The following SCHIP1 variants were observed in gnomAD, a reference collection of about 807,000 sequenced individuals.
SCHIP1 encodes the protein schwannomin interacting protein 1, also known as schwannomin-interacting protein 1.
A neutral mutation model predicts 29.7 loss-of-function variants in SCHIP1; 8 were observed. That is an observed-to-expected ratio of 0.27 (90% CI 0.16 to 0.49). The LOEUF (loss-of-function observed/expected upper bound fraction) is 0.49. Among genes scored for constraint, SCHIP1 ranks in the 20% least tolerant of loss-of-function variants. The pLI, the probability that SCHIP1 is intolerant of heterozygous loss-of-function variation, is 0.99. For missense variants in SCHIP1, 193 were observed against 294.6 expected (o/e 0.66, Z 2.52); for synonymous variants, 76 against 94.9 (o/e 0.80, Z 1.16).
the SCHIP1 span, among the ~76,000 whole-genome samples, chr3:159,332,128 T>G: frequency 1.3e-5 from 2 of 152,348 alleles, no homozygotes; most frequent in African/African-American, 4.8e-5. Context: ...CTTCTTTGAC[T>G]ATCTCTTCAA....
chr3:159,860,697 A>G (rs1259629686), intron 1 of SCHIP1, among the ~76,000 whole-genome samples: 1 of 152,194 alleles, frequency 6.6e-6, no homozygotes, highest in East Asian at 1.9e-4. Flanking sequence ...GAAAGACAGG[A>G]AACTGGGGGA....
the SCHIP1 span, among the ~76,000 whole-genome samples, chr3:159,666,543 C>A: frequency 6.6e-6 from 1 of 152,036 alleles, no homozygotes; most frequent in Non-Finnish European, 1.5e-5. Flanking sequence ...CATAGGTTCA[C>A]ATAAATAGAA....
chr3:159,377,979 T>C, the SCHIP1 span, among the ~76,000 whole-genome samples: 5 of 152,304 alleles, frequency 3.3e-5, no homozygotes, highest in East Asian at 5.8e-4. Flanking sequence ...GGGAGCAGTG[T>C]GGAGCCAGAA....
At chr3:159,441,323 T>G in the SCHIP1 span, among the ~76,000 whole-genome samples, 1 of 152,168 alleles carries the variant, frequency 6.6e-6, no homozygotes, top group South Asian at 2.1e-4. Flanking sequence ...CAACAAACAT[T>G]TATTGAGTAC....
chr3:159,751,631 G>C, the SCHIP1 span, among the ~76,000 whole-genome samples: 1 of 150,596 alleles, frequency 6.6e-6, no homozygotes, highest in Admixed American at 6.7e-5. Context: ...TGCAAGCTCT[G>C]CCTCCCAGGT....
chr3:159,442,862 C>T, the SCHIP1 span, among the ~76,000 whole-genome samples: 15 of 152,166 alleles, frequency 9.9e-5, no homozygotes, highest in African/African-American at 2.7e-4. Context: ...ACTATAATAT[C>T]CCTTGCTTAG....
the SCHIP1 span, among the ~76,000 whole-genome samples, chr3:159,275,392 CA>C: frequency 6.6e-6 from 1 of 152,074 alleles, no homozygotes; most frequent in East Asian, 1.9e-4. Flanking sequence ...GAACTTTGAA[CA>C]AATCATTCTG....
At chr3:159,587,466 A>G in the SCHIP1 span, among the ~76,000 whole-genome samples, 10 of 151,844 alleles carry the variant, frequency 6.6e-5, no homozygotes, top group African/African-American at 1.9e-4. Flanking sequence ...ACGTGAATAC[A>G]TAACTTTTTT....
the SCHIP1 span, among the ~76,000 whole-genome samples, chr3:159,484,394 G>A: frequency 6.6e-6 from 1 of 152,144 alleles, no homozygotes; most frequent in East Asian, 1.9e-4. Flanking sequence ...CGTGTAGTTG[G>A]AACTATCATT....
At chr3:159,668,077 G>T in the SCHIP1 span, among the ~76,000 whole-genome samples, 1 of 152,204 alleles carries the variant, frequency 6.6e-6, no homozygotes, top group Non-Finnish European at 1.5e-5. Flanking sequence ...TTAGGTTAAA[G>T]AGTGAGTCCC....
chr3:159,611,307 G>A, the SCHIP1 span, among the ~76,000 whole-genome samples: 1 of 152,102 alleles, frequency 6.6e-6, no homozygotes, highest in African/African-American at 2.4e-5. Flanking sequence ...CACTCATGGT[G>A]CAGCTGATTA....
the SCHIP1 span, among the ~76,000 whole-genome samples, chr3:159,750,296 T>TACAC: frequency 1.7e-4 from 22 of 132,758 alleles, no homozygotes; most frequent in African/African-American, 5.3e-4. Context: ...TATATATATA[T>TACAC]ACACACACAC....
At chr3:159,690,146 G>A in the SCHIP1 span, among the ~76,000 whole-genome samples, 1 of 152,128 alleles carries the variant, frequency 6.6e-6, no homozygotes, top group Admixed American at 6.5e-5. Flanking sequence ...TTTTTCTATT[G>A]TTTGGAATAG....
chr3:159,340,678 C>G, the SCHIP1 span, among the ~76,000 whole-genome samples: 3 of 152,074 alleles, frequency 2.0e-5, no homozygotes, highest in African/African-American at 7.2e-5. Context: ...TTTCACCTCT[C>G]TCTTGGAAAA....
At chr3:159,556,524 T>A in the SCHIP1 span, among the ~76,000 whole-genome samples, 4 of 151,858 alleles carry the variant, frequency 2.6e-5, no homozygotes, top group Admixed American at 6.6e-5. Context: ...AACCCAAATG[T>A]CCAACAATGA....
chr3:159,754,895 G>T, the SCHIP1 span, among the ~76,000 whole-genome samples: 1 of 152,154 alleles, frequency 6.6e-6, no homozygotes, highest in South Asian at 2.1e-4. Context: ...GTATTAGTCC[G>T]TTTTCACACT....
At chr3:159,754,325 T>G in the SCHIP1 span, among the ~76,000 whole-genome samples, 1 of 152,230 alleles carries the variant, frequency 6.6e-6, no homozygotes, top group Non-Finnish European at 1.5e-5. Flanking sequence ...TAAATAATTT[T>G]TAAATACTCT....
chr3:159,379,768 C>T, the SCHIP1 span, among the ~76,000 whole-genome samples: 2 of 146,738 alleles, frequency 1.4e-5, no homozygotes, highest in Admixed American at 1.3e-4. Flanking sequence ...GCCTGGCTTC[C>T]TGGGGAAACA....
the SCHIP1 span, among the ~76,000 whole-genome samples, chr3:159,367,361 ACT>A: frequency 1.3e-5 from 2 of 151,172 alleles, no homozygotes; most frequent in African/African-American, 4.9e-5. Flanking sequence ...CATTCATTGC[ACT>A]CTCAGCCTGG....
Sources: allele counts gnomAD v4.1 joint callset (sites outside exome capture counted in the v4.1 genomes callset), GRCh38; gene constraint gnomAD v4.1.1; transcripts MANE v1.5; gene names NCBI Gene and HGNC (gene_info 2026-07-23, HGNC 2026-07-21).